The following DIP2B variants were observed in gnomAD, a reference collection of about 807,000 sequenced individuals.
DIP2B encodes the protein DIP2 acetate--CoA ligase B (putative), also known as disco-interacting protein 2 homolog B.
A neutral mutation model predicts 198.0 loss-of-function variants in DIP2B; 76 were observed. That is an observed-to-expected ratio of 0.38 (90% CI 0.32 to 0.46). The LOEUF (loss-of-function observed/expected upper bound fraction) is 0.46, where lower values mean the gene tolerates loss of function less well. Among genes scored for constraint, DIP2B ranks in the 20% least tolerant of loss-of-function variants. DIP2B has a pLI of 0.99. For missense variants in DIP2B, 1,559 were observed against 1,978.4 expected, an observed-to-expected ratio of 0.79 and a Z score of 4.02; for synonymous variants, 701 against 739.1, an observed-to-expected ratio of 0.95 and a Z score of 0.84.
intron 7 of DIP2B, among the ~76,000 whole-genome samples, chr12:50,675,727 A>G (rs971618930): frequency 3.9e-5 from 6 of 152,202 alleles, no homozygotes; most frequent in Admixed American, 1.3e-4. Flanking sequence ...GAACTATCCC[A>G]AATACATGAT....
chr12:50,643,026 C>CTT (rs1555189534), intron 3 of DIP2B, among the ~76,000 whole-genome samples: 1 of 149,710 alleles, frequency 6.7e-6, no homozygotes, highest in Non-Finnish European at 1.5e-5. Context: ...CTGGGAGTTT[C>CTT]TGTGTGTGTG....
chr12:50,724,734 C>T (rs1338549662), intron 27 of DIP2B, 41 bp from the exon 28 acceptor site: 2 of 1,586,672 alleles, frequency 1.3e-6, no homozygotes, highest in Non-Finnish European at 1.7e-6. Context: ...CATGTTGGGG[C>T]TGAGCCTCCT....
intron 23 of DIP2B, among the ~76,000 whole-genome samples, chr12:50,716,958 C>CTTTTTTTTTTTGTTTTTT (rs1939732577): frequency 1.7e-5 from 1 of 58,924 alleles, no homozygotes; most frequent in African/African-American, 6.2e-5. Flanking sequence ...CGAATTGTTG[C>CTTTTTTTTTTTGTTTTTT]TTTTTTTTTT....
intron 1 of DIP2B, among the ~76,000 whole-genome samples, chr12:50,565,081 A>G (rs994591692): frequency 1.3e-5 from 2 of 150,504 alleles, no homozygotes; most frequent in African/African-American, 4.9e-5. Flanking sequence ...ACAGCTCACT[A>G]TAGCCTTGAC....
intron 33 of DIP2B, among the ~76,000 whole-genome samples, chr12:50,734,863 G>A (rs1940108037): frequency 6.6e-6 from 1 of 152,162 alleles, no homozygotes; most frequent in Admixed American, 6.5e-5. Context: ...GAGGCCAGAG[G>A]TGTTGGTAAA....
At chr12:50,578,592 C>T (rs1324356980) in intron 1 of DIP2B, among the ~76,000 whole-genome samples, 1 of 147,452 alleles carries the variant, frequency 6.8e-6, no homozygotes, top group Admixed American at 6.9e-5. Flanking sequence ...ACTGCAAGCT[C>T]GGCCTCCCGG....
chr12:50,736,755 C>T (rs1940145280), intron 34 of DIP2B, among the ~76,000 whole-genome samples: 1 of 152,228 alleles, frequency 6.6e-6, no homozygotes, highest in South Asian at 2.1e-4. Context: ...TCCTGATCTG[C>T]AATTTCTCAT....
intron 14 of DIP2B, among the ~76,000 whole-genome samples, chr12:50,694,529 A>G (rs1281801068): frequency 1.2e-5 from 1 of 81,482 alleles, no homozygotes; most frequent in African/African-American, 3.7e-5. Flanking sequence ...ACATACATAC[A>G]TACATACATA....
At chr12:50,617,221 T>A (rs550795392) in intron 1 of DIP2B, among the ~76,000 whole-genome samples, 75 of 151,770 alleles carry the variant, frequency 4.9e-4, no homozygotes, top group African/African-American at 1.8e-3. Flanking sequence ...AGTGGCGCGA[T>A]CTCGGCTCAC....
At chr12:50,650,857 AT>A (rs1271589474) in intron 3 of DIP2B, among the ~76,000 whole-genome samples, 1 of 152,118 alleles carries the variant, frequency 6.6e-6, no homozygotes, top group Non-Finnish European at 1.5e-5. Context: ...TGGTAAATCT[AT>A]TTTTTTAATC....
chr12:50,727,779 T>C lies in DIP2B; in HGVS notation c.3477T>C (p.Ser1159=). ...AGATGTTGGCATATCTTGATTTTAGTGTCTCCACAACTGGCATGCTTACAG... is the reference window on the plus strand; with the variant it reads ...AGATGTTGGCATATCTTGATTTTAGCGTCTCCACAACTGGCATGCTTACAG... ...TPEMLAYLDF[S]VSTTGMLTGV... The change falls in exon 29 of 38, where the codon AGT becomes AGC. Residue 1159 remains serine, a synonymous_variant. Transcript: ENST00000301180. 1 of 1,614,194 alleles carries C rather than the reference T, an allele frequency of 6.2e-7. No individual in the cohort carries two copies. The highest frequency in any genetic ancestry group is 8.5e-7 in the Non-Finnish European group (1 of 1,180,020).
chr12:50,701,746 A>T (rs974677360), intron 19 of DIP2B, among the ~76,000 whole-genome samples: 27 of 152,018 alleles, frequency 1.8e-4, no homozygotes, highest in Non-Finnish European at 3.8e-4. Flanking sequence ...CCAGGGAGAA[A>T]AACTTTTGTG....
chr12:50,635,884 A>G (rs918469174), intron 2 of DIP2B, among the ~76,000 whole-genome samples: 6 of 152,186 alleles, frequency 3.9e-5, no homozygotes, highest in Non-Finnish European at 7.3e-5. Flanking sequence ...TTTTCCGAGC[A>G]ACTACTATTA....
intron 1 of DIP2B, among the ~76,000 whole-genome samples, chr12:50,567,143 T>TA (rs879594606): frequency 1.9e-4 from 29 of 152,208 alleles, no homozygotes; most frequent in Middle Eastern, 3.2e-3. Flanking sequence ...TTTGGTTCTT[T>TA]AAAAAACACT....
intron 1 of DIP2B, among the ~76,000 whole-genome samples, chr12:50,508,002 G>T (rs1240813131): frequency 6.6e-6 from 1 of 151,636 alleles, no homozygotes; most frequent in Non-Finnish European, 1.5e-5. Flanking sequence ...CTTTGTGCTT[G>T]CCTGTATTTT....
At chr12:50,531,202 C>T (rs1003162313) in intron 1 of DIP2B, among the ~76,000 whole-genome samples, 24 of 152,304 alleles carry the variant, frequency 1.6e-4, no homozygotes, top group East Asian at 3.9e-4. Flanking sequence ...CCTGTCACCA[C>T]GCCTGGCTAA....
intron 1 of DIP2B, among the ~76,000 whole-genome samples, chr12:50,511,289 C>CTCTT (rs1316212138): frequency 4.8e-5 from 1 of 20,944 alleles, no homozygotes; most frequent in South Asian, 2.0e-3. Context: ...AGTGTGATTT[C>CTCTT]TATTTTTTTT....
At chr12:50,624,713 A>C (rs1163542470) in intron 1 of DIP2B, among the ~76,000 whole-genome samples, 1 of 152,154 alleles carries the variant, frequency 6.6e-6, no homozygotes, top group Non-Finnish European at 1.5e-5. Context: ...ACTGTCTTTA[A>C]TTCAAGCTAC....
intron 1 of DIP2B, among the ~76,000 whole-genome samples, chr12:50,559,770 CACTT>C (rs1198052811): frequency 6.7e-6 from 1 of 149,066 alleles, no homozygotes; most frequent in African/African-American, 2.5e-5. Flanking sequence ...AGGTCTTTAA[CACTT>C]ACAAGGTATC....
Sources: allele counts gnomAD v4.1 joint callset (sites outside exome capture counted in the v4.1 genomes callset), GRCh38; gene constraint gnomAD v4.1.1; transcripts MANE v1.5; gene names NCBI Gene and HGNC (gene_info 2026-07-23, HGNC 2026-07-21).